The following COLGALT1 variants were observed in gnomAD, a reference collection of about 807,000 sequenced individuals.
COLGALT1 encodes the protein procollagen galactosyltransferase 1.
COLGALT1 carries 43 observed loss-of-function variants against 60.8 expected under a neutral mutation model. The observed-to-expected ratio is 0.71, with a 90% confidence interval of 0.55 to 0.91. The LOEUF (loss-of-function observed/expected upper bound fraction) is 0.91, where lower values mean the gene tolerates loss of function less well. Ranked by LOEUF, COLGALT1 falls within the 40% of genes least tolerant of loss-of-function variation. COLGALT1 has a pLI of 0.00. For synonymous variants in COLGALT1, 369 were observed against 374.2 expected (o/e 0.99, Z 0.16); for missense variants, 845 against 880.0 (o/e 0.96, Z 0.50).
rs547209486 is a variant in COLGALT1, at chr19:17,573,079, A to C, written c.949+477A>C. ...TATAGAGGACATGAAAACTGAGAGG[A>C]CAGCAAGTTTTCACTAAAGAACTGC... On this transcript the variant is annotated intron_variant, in intron 6 of 11. Transcript: ENST00000252599. 3.9e-5 allele frequency among the ~76,000 whole-genome samples: 6 copies of C among 152,188 alleles called. No individual in the cohort carries two copies. The East Asian group carries it at 1.2e-3, about 29-fold the overall frequency.
chr19:17,573,653 G>A lies in COLGALT1; in HGVS notation c.949+1051G>A, dbSNP rs115656388. Among the ~76,000 whole-genome samples the A allele has an allele frequency of 2.5e-3, 377 of 152,210 alleles. 1 individual carries two copies. Among genetic ancestry groups the A allele is most frequent in the African/African-American group, 8.0e-3 (332 of 41,524 alleles). ...TTGGAGGCCGCAGTGAGCCATAATC[G>A]TGCCACTGCACTACAGCCTGGGCAA... On this transcript the variant is annotated intron_variant, in intron 6 of 11. Coordinates refer to ENST00000252599, the MANE Select transcript of COLGALT1 (RefSeq NM_024656.4).
intron 5 of COLGALT1, among the ~76,000 whole-genome samples, chr19:17,572,217 A>T (rs1341455960): frequency 1.3e-5 from 2 of 151,942 alleles, no homozygotes; most frequent in African/African-American, 2.4e-5. Context: ...CTGAGGCAGG[A>T]GAATCACTTG....
chr19:17,582,595 T>G lies in COLGALT1; in HGVS notation c.*1151T>G, dbSNP rs879440975. 2 of 152,230 alleles carry G rather than the reference T, an allele frequency of 1.3e-5. No homozygotes were observed. Among genetic ancestry groups the G allele is most frequent in the Admixed American group, 1.3e-4 (2 of 15,280 alleles). 9.4% of individuals were successfully genotyped at this position (152,230 alleles called of 1,614,324 possible). A position where few individuals can be genotyped will look rare whatever the true frequency, so the allele number is the denominator to read the frequency against. On this transcript the variant is annotated 3_prime_UTR_variant, in exon 12 of 12. Transcript: ENST00000252599. Reference sequence around the variant, plus strand: ...CACAGAGATGAACAAGATCGGTTCCTTCACTTCTTCATGCCACAAGTGTTT... The same window carrying G: ...CACAGAGATGAACAAGATCGGTTCCGTCACTTCTTCATGCCACAAGTGTTT...
chr19:17,569,282 G>A lies in COLGALT1; in HGVS notation c.829+569G>A, dbSNP rs1455612446. Among the ~76,000 whole-genome samples, 36 of 152,124 alleles carry A rather than the reference G, an allele frequency of 2.4e-4. 1 individual carries two copies. ...TTGTGTAAATTTATGGAGCACAAGTGTAATTTTGTCACGTGCATAGATTGT... is the reference window on the plus strand; with the variant it reads ...TTGTGTAAATTTATGGAGCACAAGTATAATTTTGTCACGTGCATAGATTGT... On this transcript the variant is annotated intron_variant, in intron 5 of 11. Transcript: ENST00000252599.
intron 3 of COLGALT1, among the ~76,000 whole-genome samples, chr19:17,560,765 CT>C: frequency 6.6e-6 from 1 of 152,084 alleles, no homozygotes. Context: ...CAGAGACTCA[CT>C]CTGGTGCCCA....
In COLGALT1 at chr19:17,568,697, C is replaced by A; in HGVS notation, c.813C>A (p.Phe271Leu). Residue 271 changes from phenylalanine to leucine, a missense_variant, in exon 5 of 12, where the codon TTC becomes TTA. Transcript: ENST00000252599. ...TTGACGACATCATCGTCTTTGCCTT[C>A]TCCTGCAAGCAGGCAGGTACGTACA... is the stretch of plus-strand genomic sequence containing the variant. Reference protein sequence around the residue: ...WSFDDIIVFAFSCKQAEVQMY... With the variant: ...WSFDDIIVFALSCKQAEVQMY... The A allele has an allele frequency of 6.2e-7, 1 of 1,614,222 alleles. No homozygotes were observed. The highest frequency in any genetic ancestry group is 8.5e-7 in the Non-Finnish European group (1 of 1,180,038).
At chr19:17,563,640 C>T (rs1027492847) in intron 3 of COLGALT1, among the ~76,000 whole-genome samples, 1 of 152,156 alleles carries the variant, frequency 6.6e-6, no homozygotes, top group South Asian at 2.1e-4. Flanking sequence ...TGAGCCAGCG[C>T]GCCTGGCCCG....
intron 10 of COLGALT1, 32 bp downstream of exon 10, chr19:17,579,641 GGGGCCT>G: frequency 6.2e-7 from 1 of 1,601,864 alleles, no homozygotes. Context: ...GGGTGAAGCT[GGGGCCT>G]GGGGCAAGGC....
chr19:17,558,706 A>G (rs1375696563), intron 1 of COLGALT1, among the ~76,000 whole-genome samples: 1 of 151,432 alleles, frequency 6.6e-6, no homozygotes, highest in Non-Finnish European at 1.5e-5. Context: ...AGTGACACAT[A>G]TTTGTTAGTG....
intron 3 of COLGALT1, among the ~76,000 whole-genome samples, chr19:17,563,666 A>G (rs2076262772): frequency 6.6e-6 from 1 of 151,258 alleles, no homozygotes; most frequent in Non-Finnish European, 1.5e-5. Context: ...TTTTTTTTGT[A>G]TTTTTGTAGA....
intron 11 of COLGALT1, 101 bp downstream of exon 11, chr19:17,581,006 T>C: frequency 6.8e-7 from 1 of 1,460,322 alleles, no homozygotes; most frequent in Non-Finnish European, 9.4e-7. Context: ...TGTCTCTTCT[T>C]TTGCCTACTT....
intron 4 of COLGALT1, among the ~76,000 whole-genome samples, chr19:17,568,175 C>T (rs1314844123): frequency 6.6e-6 from 1 of 152,140 alleles, no homozygotes; most frequent in Non-Finnish European, 1.5e-5. Context: ...GGATAACTGT[C>T]TTTCTCCATC....
Position 17,583,103 on chromosome 19 carries a change from C to T in COLGALT1, c.*1659C>T, listed in dbSNP as rs970347442. Reference sequence around the variant, plus strand: ...GTCAGAACCAGCCAGCGGTGCTTCACCCTCTTGGGGATAACTTGCTTAGTT... The same window carrying T: ...GTCAGAACCAGCCAGCGGTGCTTCATCCTCTTGGGGATAACTTGCTTAGTT... On this transcript the variant is annotated 3_prime_UTR_variant, in exon 12 of 12. Coordinates refer to ENST00000252599, the MANE Select transcript of COLGALT1 (RefSeq NM_024656.4). The T allele has an allele frequency of 6.6e-6, 1 of 152,248 alleles. No homozygotes were observed. The highest frequency in any genetic ancestry group is 2.4e-5 in the African/African-American group (1 of 41,460). The allele number at this position is 152,248 out of a possible 1,614,324, so 9.4% of individuals were successfully genotyped here.
chr19:17,574,738 C>T (rs1051692501), intron 6 of COLGALT1, among the ~76,000 whole-genome samples: 2 of 152,196 alleles, frequency 1.3e-5, no homozygotes, highest in Non-Finnish European at 1.5e-5. Flanking sequence ...CCAGGTCCCA[C>T]CCGGCTACAG....
rs1473176378 is a variant in COLGALT1, at chr19:17,572,518, G to A, written c.865G>A (p.Gly289Arg). ...QMYVCNKEEY[G>R]FLPVPLRAHS... is the part of the protein sequence containing the mutation. ...GTATGTGTGCAACAAGGAGGAGTAC[G>A]GATTCTTGCCAGTGCCATTGCGCGC... The change falls in exon 6 of 12, where the codon GGA (glycine) becomes AGA (arginine). Residue 289 changes from glycine (G) to arginine (R), a missense_variant. Coordinates refer to ENST00000252599, the MANE Select transcript of COLGALT1 (RefSeq NM_024656.4). 8.1e-6 allele frequency: 13 copies of A among 1,614,156 alleles called. No homozygotes were observed. The South Asian group carries it at 8.8e-5, about 11-fold the overall frequency.
At chr19:17,566,260 G>A (rs1160749712) in intron 3 of COLGALT1, 1 of 151,922 alleles carries the variant, frequency 6.6e-6, no homozygotes, top group Non-Finnish European at 1.5e-5. Context: ...CAGCTACTTG[G>A]GAGACTCAGG....
chr19:17,571,374 A>G (rs1405822366), intron 5 of COLGALT1, among the ~76,000 whole-genome samples: 1 of 151,816 alleles, frequency 6.6e-6, no homozygotes, highest in Non-Finnish European at 1.5e-5. Context: ...CACCACTGCA[A>G]TCCAGCCTGG....
intron 5 of COLGALT1, among the ~76,000 whole-genome samples, chr19:17,569,276 A>G (rs904247305): frequency 1.5e-4 from 23 of 152,180 alleles, no homozygotes; most frequent in Non-Finnish European, 2.5e-4. Flanking sequence ...TTTATGGAGC[A>G]CAAGTGTAAT....
In COLGALT1 at chr19:17,567,403, C is replaced by T. The variant is rs377171806; in HGVS notation, c.490-3C>T. On this transcript the variant is annotated splice_region_variant and splice_polypyrimidine_tract_variant and intron_variant, in intron 3 of 11. Coordinates refer to ENST00000252599, the MANE Select transcript of COLGALT1 (RefSeq NM_024656.4). ...TGCTGATGCTTTGTGGGGTGTTCTG[C>T]AGTTTGTAGATGCGGACAACCTGAT... 5.6e-5 allele frequency: 91 copies of T among 1,613,418 alleles called. No individual in the cohort carries two copies. The highest frequency in any genetic ancestry group is 2.5e-4 in the East Asian group (11 of 44,836).
Sources: gnomAD v4.1 joint callset for allele counts (sites outside exome capture counted in the v4.1 genomes callset) on GRCh38, gnomAD v4.1.1 for gene constraint, MANE v1.5 for transcripts, NCBI Gene and HGNC (gene_info 2026-07-23, HGNC 2026-07-21) for gene names.